CMTM8: variants seen among roughly 807,000 people sequenced by gnomAD.
CMTM8 encodes the protein CKLF-like MARVEL transmembrane domain-containing protein 8.
In CMTM8, 12 loss-of-function variants were observed where a neutral mutation model predicts 18.6. The observed-to-expected ratio is 0.65, with a 90% CI of 0.41 to 1.05. The LOEUF (loss-of-function observed/expected upper bound fraction) is 1.05, where lower values mean the gene tolerates loss of function less well. Among genes scored for constraint, CMTM8 ranks in the 50% least tolerant of loss-of-function variants. The probability of loss-of-function intolerance (pLI) is 0.00; values close to 1 mark genes in which losing one functional copy is unlikely to be tolerated. For missense variants in CMTM8, 217 were observed against 227.2 expected (o/e 0.95, Z 0.29); for synonymous variants, 87 against 90.6 (o/e 0.96, Z 0.23).
At chr3:32,357,146 A>G (rs1256051586) in intron 1 of CMTM8, among the ~76,000 whole-genome samples, 1 of 152,170 alleles carries the variant, frequency 6.6e-6, no homozygotes, top group African/African-American at 2.4e-5. Flanking sequence ...TGGGAGGCTA[A>G]GGAAGGAGAA....
chr3:32,323,914 TTC>T (rs1448055742), intron 1 of CMTM8, among the ~76,000 whole-genome samples: 3 of 152,218 alleles, frequency 2.0e-5, no homozygotes, highest in Non-Finnish European at 2.9e-5. Context: ...TGTTAGCTGT[TTC>T]TCTTTTTCTC....
chr3:32,241,200 C>T (rs537271107), intron 1 of CMTM8, among the ~76,000 whole-genome samples: 1 of 152,112 alleles, frequency 6.6e-6, no homozygotes, highest in Non-Finnish European at 1.5e-5. Flanking sequence ...TATTGGTGTT[C>T]CCTCACCCAC....
intron 1 of CMTM8, among the ~76,000 whole-genome samples, chr3:32,307,227 C>A (rs1404390593): frequency 6.6e-6 from 1 of 152,196 alleles, no homozygotes; most frequent in African/African-American, 2.4e-5. Flanking sequence ...GTAATCCCAG[C>A]TACTCGGGAG....
intron 1 of CMTM8, among the ~76,000 whole-genome samples, chr3:32,326,859 A>G (rs961585378): frequency 1.3e-5 from 2 of 152,098 alleles, no homozygotes; most frequent in African/African-American, 4.8e-5. Flanking sequence ...GAGCACCCAG[A>G]GTCATTTATT....
chr3:32,290,910 G>T (rs1442879542), intron 1 of CMTM8, among the ~76,000 whole-genome samples: 1 of 152,134 alleles, frequency 6.6e-6, no homozygotes, highest in African/African-American at 2.4e-5. Flanking sequence ...TACGAGGCTG[G>T]CTCATTTTTG....
chr3:32,327,179 A>G (rs2125581285), intron 1 of CMTM8, among the ~76,000 whole-genome samples: 1 of 152,350 alleles, frequency 6.6e-6, no homozygotes, highest in East Asian at 1.9e-4. Context: ...GGAAAACTCA[A>G]GTTTACATGG....
chr3:32,291,605 G>T (rs1234178051), intron 1 of CMTM8, among the ~76,000 whole-genome samples: 1 of 152,232 alleles, frequency 6.6e-6, no homozygotes, highest in Non-Finnish European at 1.5e-5. Flanking sequence ...GAAGCAGGTA[G>T]GTTGTCAGTT....
In CMTM8 at chr3:32,369,948, G is replaced by T; in HGVS notation, c.503G>T (p.Arg168Ile). 1 of 1,602,126 alleles carries T rather than the reference G, an allele frequency of 6.2e-7. No individual in the cohort carries two copies. Among genetic ancestry groups the T allele is most frequent in the Non-Finnish European group, 8.5e-7 (1 of 1,170,936 alleles). ...GNTYFSFIAW[R>I]SRTIQ ...ACATATTTCAGTTTTATAGCATGGA[G>T]ATCCAGGACCATACAGTGATTTACC... is the stretch of plus-strand genomic sequence containing the variant. Residue 168 changes from arginine to isoleucine, a missense_variant, in exon 4 of 4, where the codon AGA becomes ATA. Arg to Ile is a moderately conservative substitution (Grantham distance 97). Transcript: ENST00000307526.
At chr3:32,307,586 C>G (rs973873581) in intron 1 of CMTM8, among the ~76,000 whole-genome samples, 5 of 152,042 alleles carry the variant, frequency 3.3e-5, no homozygotes, top group Non-Finnish European at 5.9e-5. Context: ...AGCATACTTG[C>G]ATGTGTAGGT....
chr3:32,284,925 T>C (rs1451401155), intron 1 of CMTM8, among the ~76,000 whole-genome samples: 3 of 152,204 alleles, frequency 2.0e-5, no homozygotes, highest in African/African-American at 4.8e-5. Flanking sequence ...GCAGGATTCA[T>C]GTGGCTTTCC....
intron 1 of CMTM8, among the ~76,000 whole-genome samples, chr3:32,286,442 C>T (rs769497460): frequency 6.6e-6 from 1 of 152,034 alleles, no homozygotes; most frequent in Non-Finnish European, 1.5e-5. Flanking sequence ...CTGGGGTAAA[C>T]GAAGAAGCTG....
intron 1 of CMTM8, among the ~76,000 whole-genome samples, chr3:32,242,221 C>G (rs1050899868): frequency 3.2e-4 from 48 of 152,342 alleles, no homozygotes; most frequent in African/African-American, 1.1e-3. Flanking sequence ...TAGCTTGATT[C>G]TATACACAAT....
At chr3:32,276,184 A>G (rs1207200212) in intron 1 of CMTM8, among the ~76,000 whole-genome samples, 2 of 151,798 alleles carry the variant, frequency 1.3e-5, no homozygotes, top group Non-Finnish European at 1.5e-5. Context: ...CTCCTGGGTT[A>G]CTCGTCCTCC....
chr3:32,270,853 C>A (rs6791271), intron 1 of CMTM8, among the ~76,000 whole-genome samples: 80,357 of 151,606 alleles, frequency 0.53, 21,807 homozygotes, highest in Middle Eastern at 0.68. Flanking sequence ...CATGTACCCT[C>A]AAACTTAAAG....
At chr3:32,248,317 A>T (rs1475837165) in intron 1 of CMTM8, among the ~76,000 whole-genome samples, 3 of 152,084 alleles carry the variant, frequency 2.0e-5, no homozygotes, top group African/African-American at 7.2e-5. Flanking sequence ...TGAACATGGG[A>T]TGTTCATATT....
Position 32,262,211 on chromosome 3 carries a change from A to C in CMTM8, c.147+23092A>C, listed in dbSNP as rs115474750. Among the ~76,000 whole-genome samples, 1,421 of 152,266 alleles carry C rather than the reference A, an allele frequency of 9.3e-3. 17 individuals carry two copies. Among genetic ancestry groups the C allele is most frequent in the African/African-American group, 0.031 (1,305 of 41,532 alleles). ...ACGAAGCGAGGAATGGGACGCTGGG[A>C]TTTCAGTTTTCTGTGGACTGCCACA... On this transcript the variant is annotated intron_variant, in intron 1 of 3. Coordinates refer to ENST00000307526, the MANE Select transcript of CMTM8 (RefSeq NM_178868.5).
At chr3:32,298,616 G>A (rs888891690) in intron 1 of CMTM8, among the ~76,000 whole-genome samples, 3 of 150,442 alleles carry the variant, frequency 2.0e-5, no homozygotes, top group African/African-American at 4.9e-5. Context: ...CCTATCATTC[G>A]GCTCCTTATC....
Position 32,247,106 on chromosome 3 carries a change from AT to A in CMTM8, c.147+7988del, listed in dbSNP as rs1702025287. ...ACAGAGTGAGACTATGTCCCAAAAA[AT>A]AAAAATTAAAAAAAGATAAGTTTAT... On this transcript the variant is annotated intron_variant, in intron 1 of 3. Coordinates refer to ENST00000307526, the MANE Select transcript of CMTM8 (RefSeq NM_178868.5). Among the ~76,000 whole-genome samples the A allele has an allele frequency of 3.3e-5, 5 of 152,350 alleles. No individual in the cohort carries two copies. The South Asian group carries it at 1.0e-3, about 32-fold the overall frequency.
At chr3:32,332,580 C>T (rs1482693711) in intron 1 of CMTM8, among the ~76,000 whole-genome samples, 1 of 152,104 alleles carries the variant, frequency 6.6e-6, no homozygotes, top group Non-Finnish European at 1.5e-5. Context: ...GTTGCTGAGA[C>T]ATGAATTTGG....
Sources: allele counts gnomAD v4.1 joint callset (sites outside exome capture counted in the v4.1 genomes callset), GRCh38; gene constraint gnomAD v4.1.1; transcripts MANE v1.5; gene names NCBI Gene and HGNC (gene_info 2026-07-23, HGNC 2026-07-21).